Variants in TMEM250 observed in about 807,000 individuals in gnomAD.
TMEM250 encodes the protein transmembrane protein 250.
Under a neutral mutation model 7.0 loss-of-function variants are expected in TMEM250, and 7 were observed. The ratio of observed to expected loss-of-function variants is 1.00; its 90% CI spans 0.57 to 1.87. TMEM250 has a LOEUF of 1.87. Among genes scored for constraint, TMEM250 ranks in the 40% most tolerant of loss-of-function variants. The pLI is 0.00. For missense variants in TMEM250, 196 were observed against 202.5 expected, an observed-to-expected ratio of 0.97 and a Z score of 0.19; for synonymous variants, 135 against 96.7, an observed-to-expected ratio of 1.40 and a Z score of -2.32.
rs752082199 is a variant in TMEM250, at chr9:136,116,808, G to A, written c.93C>T (p.Ser31=). 2.5e-6 allele frequency: 4 copies of A among 1,611,496 alleles called. No homozygotes were observed. Among genetic ancestry groups the A allele is most frequent in the Admixed American group, 1.7e-5 (1 of 59,982 alleles). The stretch of plus-strand genomic sequence containing the variant: ...TGTTGTACTTGGTGCGGGCCAGGTG[G>A]GAGGCGCGCACGGGCCCGCAGGCCG... ...LHAACGPVRA[S]HLARTKYNNF... Residue 31 remains serine, a synonymous_variant, in exon 2 of 2, where the codon TCC becomes TCT. Coordinates refer to ENST00000418388, the MANE Select transcript of TMEM250 (RefSeq NM_152833.3).
At position 136,116,858 on chromosome 9, in the gene TMEM250, C is replaced by CGT. The variant is rs762274810; in HGVS notation, c.41_42dup (p.Gly15ThrfsTer98). 1.8e-5 allele frequency: 29 copies of CGT among 1,583,200 alleles called. No homozygotes were observed. The highest frequency in any genetic ancestry group is 2.5e-5 in the Non-Finnish European group (29 of 1,165,980). ...GCATGCAGGCAGGTGGTGTGCGGGC[C>CGT]GTGGAAGGAGCGCACCCGCCGCGGA... On this transcript the variant is annotated frameshift_variant, in exon 2 of 2. Coordinates refer to ENST00000418388, the MANE Select transcript of TMEM250 (RefSeq NM_152833.3). LOFTEE classifies it high-confidence loss of function.
chr9:136,118,250 G>C (rs1263148806), intron 1 of TMEM250: 1 of 152,346 alleles, frequency 6.6e-6, no homozygotes. Context: ...GCTCCATCCG[G>C]GTCCCTGCGT....
rs1019876109 is a variant in TMEM250 at position 136,114,867 on chromosome 9, A to G, written c.*1614T>C. ...AGTGCAAAAGATTCTCTGCAGCAAGAAATGAGGCCCACGCAGGGAAGCTCC... is the reference window on the plus strand; with the variant it reads ...AGTGCAAAAGATTCTCTGCAGCAAGGAATGAGGCCCACGCAGGGAAGCTCC... On this transcript the variant is annotated 3_prime_UTR_variant, in exon 2 of 2. Transcript: ENST00000418388. 2 of 152,276 alleles carry G rather than the reference A, an allele frequency of 1.3e-5. No homozygotes were observed. Among genetic ancestry groups the G allele is most frequent in the Non-Finnish European group, 2.9e-5 (2 of 68,062 alleles). The allele number at this position is 152,276 out of a possible 1,614,324, so 9.4% of individuals were successfully genotyped here.
rs1350561648 is a variant in TMEM250, at chr9:136,116,125, G to A, written c.*356C>T. 4 of 446,644 alleles carry A rather than the reference G, an allele frequency of 9.0e-6. No homozygotes were observed. The East Asian group carries it at 1.3e-4, about 15-fold the overall frequency. 27.7% of individuals were successfully genotyped at this position (446,644 alleles called of 1,614,324 possible). A position where few individuals can be genotyped will look rare whatever the true frequency, so the allele number is the denominator to read the frequency against. ...GGCACACAGCCCTCTGTGTCCAGGG[G>A]CCTCCCAGGGTGATGTCTAAAGTCC... On this transcript the variant is annotated 3_prime_UTR_variant, in exon 2 of 2. Transcript: ENST00000418388.
rs369985210 is a variant in TMEM250, at chr9:136,116,586, G to A, written c.315C>T (p.Arg105=). Residue 105 remains arginine, a synonymous_variant, in exon 2 of 2, where the codon CGC becomes CGT. Coordinates refer to ENST00000418388, the MANE Select transcript of TMEM250 (RefSeq NM_152833.3). ...GCTCGTTCACCAGGCGGAAGTCCAC[G>A]CGCCGGCGGCCCAGCAGCAGCAGCA... The part of the protein sequence containing the change: ...SVLLLLLGRR[R]VDFRLVNELL... 4.7e-5 allele frequency: 75 copies of A among 1,602,088 alleles called. 1 individual carries two copies. In the East Asian group the frequency reaches 1.1e-3, roughly 24 times the overall value.
rs1435256276 is a variant in TMEM250 at position 136,116,345 on chromosome 9, T to C, written c.*136A>G. 2 of 1,430,352 alleles carry C rather than the reference T, an allele frequency of 1.4e-6. No homozygotes were observed. The highest frequency in any genetic ancestry group is 2.9e-5 in the African/African-American group (2 of 69,588). The allele number at this position is 1,430,352 out of a possible 1,614,324, so 88.6% of individuals were successfully genotyped here. On this transcript the variant is annotated 3_prime_UTR_variant, in exon 2 of 2. Coordinates refer to ENST00000418388, the MANE Select transcript of TMEM250 (RefSeq NM_152833.3). ...GCCCCCATCACAGAAGTCTCAGCCC[T>C]TTCTTTTCTCTCCGTGGGCGCCGGG...
At position 136,116,902 on chromosome 9, in the gene TMEM250, G is replaced by A; in HGVS notation, c.-2C>T. The A allele has an allele frequency of 6.6e-7, 1 of 1,513,244 alleles. No individual in the cohort carries two copies. Among genetic ancestry groups the A allele is most frequent in the Non-Finnish European group, 8.8e-7 (1 of 1,136,336 alleles). 93.7% of individuals were successfully genotyped at this position (1,513,244 alleles called of 1,614,324 possible). On this transcript the variant is annotated 5_prime_UTR_variant, in exon 2 of 2. Coordinates refer to ENST00000418388, the MANE Select transcript of TMEM250 (RefSeq NM_152833.3). ...CCGCGGAATGGGCATGACCGGCATTGGGCCCCGGCGGCGGCGGCGCTAGGT... is the reference window on the plus strand; with the variant it reads ...CCGCGGAATGGGCATGACCGGCATTAGGCCCCGGCGGCGGCGGCGCTAGGT...
rs1830699675 is a variant in TMEM250 at position 136,116,333 on chromosome 9, A to T, written c.*148T>A. On this transcript the variant is annotated 3_prime_UTR_variant, in exon 2 of 2. Coordinates refer to ENST00000418388, the MANE Select transcript of TMEM250 (RefSeq NM_152833.3). ...GGTGGTGTCCGCGCCCCCATCACAG[A>T]AGTCTCAGCCCTTTCTTTTCTCTCC... The T allele has an allele frequency of 1.4e-6, 2 of 1,418,532 alleles. No homozygotes were observed. Among genetic ancestry groups the T allele is most frequent in the Admixed American group, 2.9e-5 (1 of 34,708 alleles). 87.9% of individuals were successfully genotyped at this position (1,418,532 alleles called of 1,614,324 possible).
chr9:136,118,445 G>C (rs1830759315), intron 1 of TMEM250, 40 bp downstream of exon 1: 1 of 151,624 alleles, frequency 6.6e-6, no homozygotes, highest in Non-Finnish European at 1.5e-5. Context: ...TTGCCCTGGA[G>C]ACGGCCCCCG....
rs1378738037 is a variant in TMEM250, at chr9:136,118,645, G to A, written c.-285C>T. The A allele has an allele frequency of 6.6e-6, 1 of 152,442 alleles. No individual in the cohort carries two copies. The highest frequency in any genetic ancestry group is 2.4e-5 in the African/African-American group (1 of 41,448). The allele number at this position is 152,442 out of a possible 1,614,324, so 9.4% of individuals were successfully genotyped here. A position where few individuals can be genotyped will look rare whatever the true frequency, so the allele number is the denominator to read the frequency against. ...CTGGGGGCGCTGGCAAGGCGGCTGA[G>A]GGCGTGGTTCACGCGTCGCCGGCTG... On this transcript the variant is annotated 5_prime_UTR_variant, in exon 1 of 2. Coordinates refer to ENST00000418388, the MANE Select transcript of TMEM250 (RefSeq NM_152833.3).
rs774897844 is a variant in TMEM250, at chr9:136,116,867, A to G, written c.34T>C (p.Ser12Pro). 3 of 1,566,294 alleles carry G rather than the reference A, an allele frequency of 1.9e-6. No individual in the cohort carries two copies. Among genetic ancestry groups the G allele is most frequent in the Non-Finnish European group, 2.6e-6 (3 of 1,156,594 alleles). ...PVMPIPRRVR[S>P]FHGPHTTCLH... Reference sequence around the variant, plus strand: ...CAGGTGGTGTGCGGGCCGTGGAAGGAGCGCACCCGCCGCGGAATGGGCATG... The same window carrying G: ...CAGGTGGTGTGCGGGCCGTGGAAGGGGCGCACCCGCCGCGGAATGGGCATG... The change falls in exon 2 of 2, where the codon TCC becomes CCC. Residue 12 changes from serine (S) to proline (P), a missense_variant. Ser to Pro is a moderately conservative substitution (Grantham distance 74). Coordinates refer to ENST00000418388, the MANE Select transcript of TMEM250 (RefSeq NM_152833.3).
intron 1 of TMEM250, chr9:136,117,896 C>T (rs988997105): frequency 6.6e-6 from 1 of 152,340 alleles, no homozygotes; most frequent in Non-Finnish European, 1.5e-5. Context: ...ACGGAATGAA[C>T]TCAAAGGTCA....
At position 136,115,320 on chromosome 9, in the gene TMEM250, G is replaced by A. The variant is rs1830680058; in HGVS notation, c.*1161C>T. On this transcript the variant is annotated 3_prime_UTR_variant, in exon 2 of 2. Coordinates refer to ENST00000418388, the MANE Select transcript of TMEM250 (RefSeq NM_152833.3). ...GCTGAGGAGCAGAGCAAGGGGTCCT[G>A]GGTGAGACCTCGGCCCATGGTGGCC... 6.6e-6 allele frequency: 1 copy of A among 152,344 alleles called. No homozygotes were observed. Among genetic ancestry groups the A allele is most frequent in the Non-Finnish European group, 1.5e-5 (1 of 68,116 alleles). 9.4% of individuals were successfully genotyped at this position (152,344 alleles called of 1,614,324 possible).
rs1023981695 is a variant in TMEM250, at chr9:136,115,576, C to T, written c.*905G>A. On this transcript the variant is annotated 3_prime_UTR_variant, in exon 2 of 2. Transcript: ENST00000418388. ...CGTTTCCATCCTGGCTCACTGAAGC[C>T]TCGATCTCCCAGGCTTTCTTTGACG... The T allele has an allele frequency of 2.5e-4, 38 of 152,502 alleles. No homozygotes were observed. The highest frequency in any genetic ancestry group is 8.9e-4 in the African/African-American group (37 of 41,580). 9.4% of individuals were successfully genotyped at this position (152,502 alleles called of 1,614,324 possible).
rs1554748101 is a variant in TMEM250 at position 136,118,867 on chromosome 9, G to GGTGTGCGTGCGTGCGT, written c.-508_-507insACGCACGCACGCACAC. ...CGTCCCGGACTCGTCGCTTCCCGAG[G>GGTGTGCGTGCGTGCGT]GCGTGCGTGCGTGCGTGCGTGCGCA... On this transcript the variant is annotated 5_prime_UTR_variant, in exon 1 of 2. Coordinates refer to ENST00000418388, the MANE Select transcript of TMEM250 (RefSeq NM_152833.3). 6.6e-6 allele frequency: 1 copy of GGTGTGCGTGCGTGCGT among 152,088 alleles called. No homozygotes were observed. Among genetic ancestry groups the GGTGTGCGTGCGTGCGT allele is most frequent in the Non-Finnish European group, 1.5e-5 (1 of 67,982 alleles). 9.4% of individuals were successfully genotyped at this position (152,088 alleles called of 1,614,324 possible).
At position 136,116,713 on chromosome 9, in the gene TMEM250, C is replaced by G. The variant is rs1193494692; in HGVS notation, c.188G>C (p.Ser63Thr). Residue 63 changes from serine (S) to threonine (T), a missense_variant, in exon 2 of 2, where the codon AGC becomes ACC. Coordinates refer to ENST00000418388, the MANE Select transcript of TMEM250 (RefSeq NM_152833.3). ...ACCCCAGAGCGCCGCAGTGAACAGG[C>G]TGCAGCTAAAGTAGAGTAGGAAGCG... ...FIRFLLYFSCSLFTAALWGAL... is the reference protein window; with the variant it reads ...FIRFLLYFSCTLFTAALWGAL... 2 of 1,612,524 alleles carry G rather than the reference C, an allele frequency of 1.2e-6. No homozygotes were observed. The highest frequency in any genetic ancestry group is 1.7e-6 in the Non-Finnish European group (2 of 1,179,766).
At chr9:136,117,840 C>G (rs1830740549) in intron 1 of TMEM250, 1 of 152,366 alleles carries the variant, frequency 6.6e-6, no homozygotes, top group Admixed American at 6.5e-5. Context: ...GGCTCTCCAG[C>G]TTCACCTAGT....
Position 136,115,847 on chromosome 9 carries a change from G to A in TMEM250, c.*634C>T, listed in dbSNP as rs1194824310. The A allele has an allele frequency of 6.0e-6, 2 of 330,972 alleles. No individual in the cohort carries two copies. Among genetic ancestry groups the A allele is most frequent in the African/African-American group, 4.3e-5 (2 of 46,860 alleles). The allele number at this position is 330,972 out of a possible 1,614,324, so 20.5% of individuals were successfully genotyped here. On this transcript the variant is annotated 3_prime_UTR_variant, in exon 2 of 2. Transcript: ENST00000418388. The stretch of plus-strand genomic sequence containing the variant: ...CCCTTCTCCGGCCCCCCGCTAGACT[G>A]CATCTACACAATCCAAGGGGACCCT...
intron 1 of TMEM250, 194 bp downstream of exon 1, chr9:136,118,291 G>A (rs1830754905): frequency 6.6e-6 from 1 of 152,238 alleles, no homozygotes; most frequent in African/African-American, 2.4e-5. Context: ...CCCGGCCCAT[G>A]GACCCAGGAC....
Sources: allele counts gnomAD v4.1 joint callset, GRCh38; gene constraint gnomAD v4.1.1; transcripts MANE v1.5; gene names NCBI Gene and HGNC (gene_info 2026-07-23, HGNC 2026-07-21).